The following NCOA2 variants were observed in gnomAD, a reference collection of about 807,000 sequenced individuals.
NCOA2 encodes nuclear receptor coactivator 2, also known as class E basic helix-loop-helix protein 75.
NCOA2 carries 21 observed loss-of-function variants against 145.1 expected under a neutral mutation model. The ratio of observed to expected loss-of-function variants is 0.14; its 90% CI spans 0.10 to 0.21. NCOA2 has a LOEUF of 0.21. Ranked by LOEUF, NCOA2 falls within the 10% of genes least tolerant of loss-of-function variation. The pLI is 1.00. For missense variants in NCOA2, 1,472 were observed against 1,837.6 expected (o/e 0.80, Z 3.64); for synonymous variants, 619 against 637.5 (o/e 0.97, Z 0.44).
At chr8:70,398,074 C>A (rs982705571) in intron 1 of NCOA2, among the ~76,000 whole-genome samples, 1 of 152,244 alleles carries the variant, frequency 6.6e-6, no homozygotes, top group Admixed American at 6.5e-5. Flanking sequence ...ACTGAAAAGG[C>A]CAGGACACAG....
chr8:70,349,367 C>T (rs952739312), intron 1 of NCOA2, among the ~76,000 whole-genome samples: 3 of 151,934 alleles, frequency 2.0e-5, no homozygotes, highest in Non-Finnish European at 2.9e-5. Flanking sequence ...ATCAAATTTA[C>T]ATATGGGTAA....
intron 2 of NCOA2, among the ~76,000 whole-genome samples, chr8:70,282,754 C>G (rs926654158): frequency 1.3e-5 from 2 of 150,734 alleles, no homozygotes; most frequent in Non-Finnish European, 2.9e-5. Flanking sequence ...ATTTTCCTGT[C>G]AAAAATTCCA....
At chr8:70,140,862 G>C (rs1810329531) in intron 14 of NCOA2, among the ~76,000 whole-genome samples, 1 of 151,942 alleles carries the variant, frequency 6.6e-6, no homozygotes, top group Non-Finnish European at 1.5e-5. Context: ...CTCCCAAAGT[G>C]CTGGGATTAC....
chr8:70,388,937 A>G (rs117855297), intron 1 of NCOA2, among the ~76,000 whole-genome samples: 180 of 152,266 alleles, frequency 1.2e-3, no homozygotes, highest in Non-Finnish European at 1.5e-3. Flanking sequence ...TGCACATTTC[A>G]AGTAAGTTTA....
intron 1 of NCOA2, among the ~76,000 whole-genome samples, chr8:70,385,868 T>C (rs1422770851): frequency 3.3e-5 from 5 of 152,262 alleles, no homozygotes; most frequent in Admixed American, 3.3e-4. Context: ...AATATTTTAC[T>C]TTCATTTTAT....
At chr8:70,254,233 T>C (rs1437976145) in intron 2 of NCOA2, among the ~76,000 whole-genome samples, 9 of 152,108 alleles carry the variant, frequency 5.9e-5, no homozygotes, top group Non-Finnish European at 1.0e-4. Flanking sequence ...ATCAAAAATA[T>C]AGAAAATAAT....
intron 3 of NCOA2, among the ~76,000 whole-genome samples, chr8:70,216,246 T>G (rs1819604834): frequency 6.6e-6 from 1 of 152,356 alleles, no homozygotes; most frequent in Non-Finnish European, 1.5e-5. Context: ...TTTTATTCAC[T>G]AAAGAGCCAC....
At chr8:70,417,971 C>A in the NCOA2 span, among the ~76,000 whole-genome samples, 1 of 152,150 alleles carries the variant, frequency 6.6e-6, no homozygotes, top group African/African-American at 2.4e-5. Context: ...TTCATGGAGC[C>A]ATTGTTATGT....
rs368122443 is a variant in NCOA2, at chr8:70,159,355, C to T, written c.1124+150G>A. 3.1e-5 allele frequency: 23 copies of T among 730,794 alleles called. No individual in the cohort carries two copies. The South Asian group carries it at 6.4e-4, about 20-fold the overall frequency. The allele number at this position is 730,794 out of a possible 1,614,324, so 45.3% of individuals were successfully genotyped here. On this transcript the variant is annotated intron_variant, in intron 10 of 22. Transcript: ENST00000452400. ...TTATGAATTGTCTTTTAGCCAACAG[C>T]TAATAACAATTTAATTTTATATTTT... is the stretch of plus-strand genomic sequence containing the variant.
At chr8:70,308,591 G>A (rs1035359387) in intron 1 of NCOA2, among the ~76,000 whole-genome samples, 2 of 152,078 alleles carry the variant, frequency 1.3e-5, no homozygotes, top group African/African-American at 2.4e-5. Flanking sequence ...TCTATTCCAT[G>A]GGGGAAATTC....
intron 2 of NCOA2, among the ~76,000 whole-genome samples, chr8:70,271,728 T>A (rs1825063260): frequency 6.6e-6 from 1 of 152,248 alleles, no homozygotes; most frequent in African/African-American, 2.4e-5. Flanking sequence ...ACGACTGAGA[T>A]AGACAGAAAC....
chr8:70,330,481 A>G (rs1346130313), intron 1 of NCOA2, among the ~76,000 whole-genome samples: 1 of 151,640 alleles, frequency 6.6e-6, no homozygotes, highest in Non-Finnish European at 1.5e-5. Context: ...TGAGATGGAA[A>G]GATTGTTGGA....
At chr8:70,215,661 G>A (rs940980449) in intron 3 of NCOA2, among the ~76,000 whole-genome samples, 3 of 151,902 alleles carry the variant, frequency 2.0e-5, no homozygotes, top group African/African-American at 7.3e-5. Context: ...CTGTCCATTA[G>A]GTAGAAGGTG....
chr8:70,306,514 C>T (rs780637576), intron 1 of NCOA2, among the ~76,000 whole-genome samples: 2 of 152,092 alleles, frequency 1.3e-5, no homozygotes, highest in Non-Finnish European at 2.9e-5. Context: ...ATGAGCATTC[C>T]AACACCCTAA....
At chr8:70,199,788 G>A (rs1490995772) in intron 4 of NCOA2, among the ~76,000 whole-genome samples, 1 of 152,200 alleles carries the variant, frequency 6.6e-6, no homozygotes, top group Admixed American at 6.5e-5. Flanking sequence ...TCTGTTAGCT[G>A]TAGGCTAATT....
intron 1 of NCOA2, among the ~76,000 whole-genome samples, chr8:70,342,684 T>C (rs1345213673): frequency 6.6e-6 from 1 of 150,988 alleles, no homozygotes; most frequent in Non-Finnish European, 1.5e-5. Context: ...AGTGCCAGAA[T>C]ACACATTATA....
the NCOA2 span, among the ~76,000 whole-genome samples, chr8:70,434,760 G>A: frequency 6.6e-6 from 1 of 152,046 alleles, no homozygotes; most frequent in Non-Finnish European, 1.5e-5. Context: ...CATAAAGATA[G>A]GGGTAATACT....
chr8:70,119,192 T>C (rs1807485736), intron 22 of NCOA2, among the ~76,000 whole-genome samples: 1 of 152,162 alleles, frequency 6.6e-6, no homozygotes, highest in Non-Finnish European at 1.5e-5. Context: ...CACCCACTTC[T>C]CTTCCTCCTC....
intron 4 of NCOA2, among the ~76,000 whole-genome samples, chr8:70,182,306 A>G (rs986284397): frequency 3.3e-5 from 5 of 152,228 alleles, no homozygotes; most frequent in East Asian, 3.8e-4. Flanking sequence ...ATGAAGAAAT[A>G]GCAAAATTAA....
Sources: allele counts gnomAD v4.1 joint callset (sites outside exome capture counted in the v4.1 genomes callset), GRCh38; gene constraint gnomAD v4.1.1; transcripts MANE v1.5; gene names NCBI Gene and HGNC (gene_info 2026-07-23, HGNC 2026-07-21).